POU6F2: variants seen among roughly 807,000 people sequenced by gnomAD.
The protein encoded by POU6F2 is POU class 6 homeobox 2.
POU6F2 carries 31 observed loss-of-function variants against 71.3 expected under a neutral mutation model. The ratio of observed to expected loss-of-function variants is 0.43; its 90% CI spans 0.33 to 0.59. The LOEUF (loss-of-function observed/expected upper bound fraction) is 0.59. Among genes scored for constraint, POU6F2 ranks in the 20% least tolerant of loss-of-function variants. The pLI, the probability that POU6F2 is intolerant of heterozygous loss-of-function variation, is 0.04. For missense variants in POU6F2, 783 were observed against 856.8 expected, an observed-to-expected ratio of 0.91 and a Z score of 1.07; for synonymous variants, 347 against 355.7, an observed-to-expected ratio of 0.98 and a Z score of 0.27.
chr7:39,128,895 G>C (rs1265255881), intron 2 of POU6F2, among the ~76,000 whole-genome samples: 1 of 152,110 alleles, frequency 6.6e-6, no homozygotes, highest in Non-Finnish European at 1.5e-5. Context: ...AAATTCAGTG[G>C]GAGTATATTA....
chr7:39,233,281 T>C (rs1439331816), intron 4 of POU6F2, among the ~76,000 whole-genome samples: 2 of 148,300 alleles, frequency 1.3e-5, no homozygotes, highest in African/African-American at 2.5e-5. Flanking sequence ...ACTAAAGAAA[T>C]AGTGGTATTA....
chr7:39,284,906 T>C (rs13233706), intron 4 of POU6F2, among the ~76,000 whole-genome samples: 87,550 of 152,006 alleles, frequency 0.58, 25,364 homozygotes, highest in Admixed American at 0.68. Flanking sequence ...TCTGGGTGGG[T>C]CTAGGCATCA....
intron 4 of POU6F2, among the ~76,000 whole-genome samples, chr7:39,271,866 T>C (rs1464528362): frequency 6.6e-6 from 1 of 152,178 alleles, no homozygotes; most frequent in Non-Finnish European, 1.5e-5. Flanking sequence ...AATGGAAATG[T>C]TTCCAGCAAA....
At chr7:39,390,830 T>C (rs1229193505) in intron 5 of POU6F2, among the ~76,000 whole-genome samples, 3 of 151,734 alleles carry the variant, frequency 2.0e-5, no homozygotes, top group Non-Finnish European at 4.4e-5. Context: ...CTGAACAGGG[T>C]TTTCTTGTTT....
rs548064460 is a variant in POU6F2 at position 39,424,968 on chromosome 7, A to G, written c.1114-8109A>G. Among the ~76,000 whole-genome samples the G allele has an allele frequency of 2.0e-5, 3 of 152,274 alleles. No homozygotes were observed. The South Asian group carries it at 6.2e-4, about 32-fold the overall frequency. ...TGCCAAAGGACCCGAGAAATATTCAAGTCCGATAAGAATGATCATTGTATC... is the reference window on the plus strand; with the variant it reads ...TGCCAAAGGACCCGAGAAATATTCAGGTCCGATAAGAATGATCATTGTATC... On this transcript the variant is annotated intron_variant, in intron 6 of 9. Transcript: ENST00000518318.
chr7:39,118,437 A>C (rs1169878768), intron 2 of POU6F2, among the ~76,000 whole-genome samples: 1 of 152,192 alleles, frequency 6.6e-6, no homozygotes, highest in Non-Finnish European at 1.5e-5. Context: ...CCTCAACAAC[A>C]TAAGATACTA....
In POU6F2 at chr7:39,334,917, G is replaced by T. The variant is rs548445582; in HGVS notation, c.599-4725G>T. Reference sequence around the variant, plus strand: ...CCATTGATTCTTTACAACTGGGGCTGATCTGGGAGTTGCTTCCCCCAGTTA... The same window carrying T: ...CCATTGATTCTTTACAACTGGGGCTTATCTGGGAGTTGCTTCCCCCAGTTA... On this transcript the variant is annotated intron_variant, in intron 4 of 9. Transcript: ENST00000518318. Among the ~76,000 whole-genome samples the T allele has an allele frequency of 3.9e-5, 6 of 152,320 alleles. No homozygotes were observed. The South Asian group carries it at 1.0e-3, about 26-fold the overall frequency.
intron 5 of POU6F2, among the ~76,000 whole-genome samples, chr7:39,384,990 G>GT (rs11393301): frequency 0.13 from 19,930 of 152,178 alleles, 1,446 homozygotes; most frequent in Admixed American, 0.2. Context: ...AGAAAATGTT[G>GT]TTTTTTGTAT....
chr7:39,455,413 A>G (rs1404183679), intron 8 of POU6F2, among the ~76,000 whole-genome samples: 1 of 152,238 alleles, frequency 6.6e-6, no homozygotes, highest in Non-Finnish European at 1.5e-5. Flanking sequence ...AGAGGTCACC[A>G]TATTGCAAAA....
chr7:39,294,960 G>A (rs1427546408), intron 4 of POU6F2, among the ~76,000 whole-genome samples: 1 of 152,116 alleles, frequency 6.6e-6, no homozygotes, highest in Non-Finnish European at 1.5e-5. Flanking sequence ...GGCGGGTCCT[G>A]GGGGAATGAT....
chr7:39,313,906 G>A (rs1490644936), intron 4 of POU6F2, among the ~76,000 whole-genome samples: 1 of 152,184 alleles, frequency 6.6e-6, no homozygotes, highest in Non-Finnish European at 1.5e-5. Context: ...AATGGAGATT[G>A]TGAAAAAGAT....
intron 4 of POU6F2, among the ~76,000 whole-genome samples, chr7:39,316,635 C>T (rs1296337047): frequency 1.3e-5 from 2 of 152,152 alleles, no homozygotes; most frequent in Admixed American, 6.5e-5. Context: ...TTGGGAGCCC[C>T]TAAGTTGGTG....
At chr7:39,139,638 C>T (rs12111984) in intron 2 of POU6F2, among the ~76,000 whole-genome samples, 3,042 of 152,224 alleles carry the variant, frequency 0.02, 88 homozygotes, top group African/African-American at 0.068. Context: ...CAAGTGATGT[C>T]TATTTCAGAA....
Position 39,345,850 on chromosome 7 carries a change from G to A in POU6F2, c.972+5835G>A, listed in dbSNP as rs1371989240. On this transcript the variant is annotated intron_variant, in intron 5 of 9. Coordinates refer to ENST00000518318, the MANE Select transcript of POU6F2 (RefSeq NM_001370959.1). ...CATACTGATGAGAATGCTTTTGTAT[G>A]CTATAAATTTGTTAAGCAAATGTTG... 2.0e-5 allele frequency among the ~76,000 whole-genome samples: 3 copies of A among 152,262 alleles called. No homozygotes were observed. The East Asian group carries it at 5.8e-4, about 29-fold the overall frequency.
intron 5 of POU6F2, among the ~76,000 whole-genome samples, chr7:39,367,783 T>C (rs1164608854): frequency 6.6e-6 from 1 of 152,236 alleles, no homozygotes; most frequent in Non-Finnish European, 1.5e-5. Context: ...GCTCACTTTG[T>C]GTCTCTGTGT....
chr7:39,207,401 A>C lies in POU6F2; in HGVS notation c.379A>C (p.Thr127Pro), dbSNP rs1794036911. The change falls in exon 4 of 10, where the codon ACG (threonine) becomes CCG (proline). Residue 127 changes from threonine (T) to proline (P), a missense_variant. Around this residue, in one of 2 missense-constraint regions of POU6F2, gnomAD observed 572 missense variants for 572.9 expected, o/e 1.00. Transcript: ENST00000518318. ...ATCTGTTTCCTTGCAGCCACTTCTG[A>C]CGGCACAGCAGTTAGCTTCTGCTGT... ...PFPVGPQPLLTAQQLASAVAG... is the reference protein window; with the variant it reads ...PFPVGPQPLLPAQQLASAVAG... 5.0e-6 allele frequency: 8 copies of C among 1,613,684 alleles called. No homozygotes were observed. The highest frequency in any genetic ancestry group is 6.8e-6 in the Non-Finnish European group (8 of 1,179,660).
At chr7:39,053,288 A>C (rs959236530) in intron 1 of POU6F2, among the ~76,000 whole-genome samples, 2 of 152,172 alleles carry the variant, frequency 1.3e-5, no homozygotes, top group Admixed American at 6.6e-5. Context: ...GGAAAGTTAC[A>C]GTGTATTCAC....
rs942140397 is a variant in POU6F2, at chr7:39,339,650, T to C, written c.607T>C (p.Ser203Pro). 5 of 1,591,118 alleles carry C rather than the reference T, an allele frequency of 3.1e-6. No homozygotes were observed. The highest frequency in any genetic ancestry group is 3.4e-6 in the Non-Finnish European group (4 of 1,174,408). ...LPLQNLQATS[S>P]LNSQLQQLQL... Reference sequence around the variant, plus strand: ...GCTTTCTCTCCTTGTAGCTACCTCATCCCTGAACTCCCAGCTCCAGCAGCT... The same window carrying C: ...GCTTTCTCTCCTTGTAGCTACCTCACCCCTGAACTCCCAGCTCCAGCAGCT... The change falls in exon 5 of 10, where the codon TCC becomes CCC. Residue 203 changes from serine to proline, a missense_variant. Transcript: ENST00000518318.
At chr7:39,437,487 T>A (rs1429958545) in intron 7 of POU6F2, among the ~76,000 whole-genome samples, 1 of 152,228 alleles carries the variant, frequency 6.6e-6, no homozygotes, top group Non-Finnish European at 1.5e-5. Context: ...TCACTTTTTA[T>A]TGTGTCTGTT....
Sources: gnomAD v4.1 joint callset for allele counts (sites outside exome capture counted in the v4.1 genomes callset) on GRCh38, gnomAD v4.1.1 for gene constraint, gnomAD v4.1.1 regional missense constraint, MANE v1.5 for transcripts, NCBI Gene and HGNC (gene_info 2026-07-23, HGNC 2026-07-21) for gene names.